The following TG variants were observed in gnomAD, a reference collection of about 807,000 sequenced individuals.
TG encodes the protein thyroglobulin, also known as thyroid hormones.
In TG, 270 loss-of-function variants were observed where a neutral mutation model predicts 324.7. The observed-to-expected ratio is 0.83, with a 90% confidence interval of 0.75 to 0.92. The LOEUF (loss-of-function observed/expected upper bound fraction) is 0.92. Ranked by LOEUF, TG falls within the 40% of genes least tolerant of loss-of-function variation. The pLI is 0.00. For missense variants in TG, 3,591 were observed against 3,456.4 expected, an observed-to-expected ratio of 1.04 and a Z score of -0.98; for synonymous variants, 1,401 against 1,327.0, an observed-to-expected ratio of 1.06 and a Z score of -1.21.
At chr8:132,918,748 A>G in intron 20 of TG, among the ~76,000 whole-genome samples, 1 of 152,218 alleles carries the variant, frequency 6.6e-6, no homozygotes, top group East Asian at 1.9e-4. Flanking sequence ...CTAGTCTTAT[A>G]TGGAGATGAT....
At position 132,888,368 on chromosome 8, in the gene TG, G is replaced by A. The variant is rs115361039; in HGVS notation, c.2561G>A (p.Arg854Gln). 1,216 of 1,614,148 alleles carry A rather than the reference G, an allele frequency of 7.5e-4. 12 individuals carry two copies. In the African/African-American group the frequency reaches 0.013, roughly 18 times the overall value. ...CCACTAGCAGCACTGGAAGGGAAAC[G>A]GCCCCAGCCCAGGGAGAATATCCTC... ...DVPLAALEGK[R>Q]PQPRENILLE... Residue 854 changes from arginine to glutamine, a missense_variant, in exon 10 of 48, where the codon CGG becomes CAG. Transcript: ENST00000220616.
At chr8:133,002,075 C>G in intron 35 of TG, 1 of 985,400 alleles carries the variant, frequency 1.0e-6, no homozygotes, top group Non-Finnish European at 1.2e-6. Flanking sequence ...TGGGATGGGT[C>G]TGTGATTATT....
chr8:132,986,919 T>G (rs1344130189), intron 35 of TG, among the ~76,000 whole-genome samples: 1 of 152,236 alleles, frequency 6.6e-6, no homozygotes, highest in Non-Finnish European at 1.5e-5. Flanking sequence ...TTTATTAAAT[T>G]TATAGATAAA....
chr8:133,019,346 A>T (rs1271348143), intron 38 of TG, among the ~76,000 whole-genome samples: 1 of 152,218 alleles, frequency 6.6e-6, no homozygotes, highest in Admixed American at 6.5e-5. Flanking sequence ...GCATCAGCAG[A>T]CTTCTCTAAG....
intron 36 of TG, 84 bp downstream of exon 36, chr8:133,012,119 A>G: frequency 6.3e-7 from 1 of 1,578,270 alleles, no homozygotes; most frequent in Non-Finnish European, 8.7e-7. Context: ...AGAAAAACAC[A>G]TGAGACACTA....
At chr8:132,913,524 G>T (rs1441623105) in intron 20 of TG, among the ~76,000 whole-genome samples, 1 of 152,192 alleles carries the variant, frequency 6.6e-6, no homozygotes, top group South Asian at 2.1e-4. Context: ...GGCCTGGCCT[G>T]CCCTGTCATT....
At position 132,866,961 on chromosome 8, in the gene TG, C is replaced by A; in HGVS notation, c.-40C>A. 2 of 1,519,710 alleles carry A rather than the reference C, an allele frequency of 1.3e-6. No individual in the cohort carries two copies. Among genetic ancestry groups the A allele is most frequent in the Non-Finnish European group, 1.8e-6 (2 of 1,113,450 alleles). The allele number at this position is 1,519,710 out of a possible 1,614,324, so 94.1% of individuals were successfully genotyped here. On this transcript the variant is annotated 5_prime_UTR_variant, in exon 1 of 48. Coordinates refer to ENST00000220616, the MANE Select transcript of TG (RefSeq NM_003235.5). ...CCCTGGCCAGGGGACCTAGGGCAAG[C>A]AGTGGTTTCTCCTCCTTCCTCCCAG... is the stretch of plus-strand genomic sequence containing the variant.
intron 45 of TG, 65 bp downstream of exon 45, chr8:133,116,781 C>A: frequency 1.5e-6 from 2 of 1,329,310 alleles, no homozygotes; most frequent in Non-Finnish European, 2.2e-6. Flanking sequence ...AGTTCGATGA[C>A]ATGGGACACA....
intron 16 of TG, among the ~76,000 whole-genome samples, chr8:132,904,072 C>T (rs1818320979): frequency 6.6e-6 from 1 of 152,198 alleles, no homozygotes; most frequent in South Asian, 2.1e-4. Context: ...AGCCTGGTAG[C>T]TCAGAGCACA....
At chr8:132,963,133 T>G in intron 29 of TG, 59 bp downstream of exon 29, 2 of 1,489,176 alleles carry the variant, frequency 1.3e-6, no homozygotes, top group Non-Finnish European at 1.9e-6. Flanking sequence ...ACTAAATGGG[T>G]GCACCAAGAG....
intron 29 of TG, among the ~76,000 whole-genome samples, chr8:132,966,113 G>A (rs113140204): frequency 2.0e-5 from 3 of 152,336 alleles, no homozygotes; most frequent in African/African-American, 7.2e-5. Flanking sequence ...AAGAGGATCA[G>A]TGGTTCAAAG....
At position 133,107,744 on chromosome 8, in the gene TG, C is replaced by T. The variant is rs752389642; in HGVS notation, c.7573-5678C>T. ...TGCACCCAATTAGTGTGTCAGATCC[C>T]CATAAAATGTGGAACTCTAATCTCA... is the stretch of plus-strand genomic sequence containing the variant. On this transcript the variant is annotated intron_variant, in intron 43 of 47. Coordinates refer to ENST00000220616, the MANE Select transcript of TG (RefSeq NM_003235.5). Among the ~76,000 whole-genome samples, 8 of 152,172 alleles carry T rather than the reference C, an allele frequency of 5.3e-5. No homozygotes were observed. In the South Asian group the frequency reaches 1.7e-3, roughly 31 times the overall value.
At chr8:132,904,154 G>A (rs879620541) in intron 16 of TG, among the ~76,000 whole-genome samples, 20 of 152,216 alleles carry the variant, frequency 1.3e-4, no homozygotes, top group Non-Finnish European at 1.8e-4. Flanking sequence ...TCTGCAGGAC[G>A]TGGCTGATAA....
At chr8:132,987,180 A>G (rs895679101) in intron 35 of TG, among the ~76,000 whole-genome samples, 3 of 152,214 alleles carry the variant, frequency 2.0e-5, no homozygotes, top group African/African-American at 7.2e-5. Context: ...TGTCTTGTTA[A>G]CAAGTATGAT....
At chr8:132,871,192 C>T (rs946272213) in intron 3 of TG, among the ~76,000 whole-genome samples, 156 bp from the exon 4 acceptor site, 3 of 152,170 alleles carry the variant, frequency 2.0e-5, no homozygotes, top group African/African-American at 7.2e-5. Flanking sequence ...ACTAGCTAGG[C>T]CTGTTCTGTG....
intron 40 of TG, among the ~76,000 whole-genome samples, chr8:133,029,086 G>A (rs1308362037): frequency 6.6e-6 from 1 of 152,120 alleles, no homozygotes; most frequent in Non-Finnish European, 1.5e-5. Flanking sequence ...GTGTTTCAAG[G>A]TCTGATAAAG....
At chr8:132,989,046 C>G (rs1248905807) in intron 35 of TG, 1 of 273,106 alleles carries the variant, frequency 3.7e-6, no homozygotes, top group Non-Finnish European at 5.6e-6. Context: ...CAAGTCACAT[C>G]TTACGTGGAT....
chr8:133,091,055 G>C (rs553378760), intron 41 of TG, among the ~76,000 whole-genome samples: 1 of 152,312 alleles, frequency 6.6e-6, no homozygotes, highest in Non-Finnish European at 1.5e-5. Flanking sequence ...AAATAATACT[G>C]TTGTTACCCA....
At chr8:132,937,027 T>A (rs1228880926) in intron 25 of TG, among the ~76,000 whole-genome samples, 1 of 152,086 alleles carries the variant, frequency 6.6e-6, no homozygotes, top group East Asian at 1.9e-4. Context: ...TGGAATGAGG[T>A]GACACATGTG....
Sources: gnomAD v4.1 joint callset for allele counts (sites outside exome capture counted in the v4.1 genomes callset) on GRCh38, gnomAD v4.1.1 for gene constraint, MANE v1.5 for transcripts, NCBI Gene and HGNC (gene_info 2026-07-23, HGNC 2026-07-21) for gene names.